The following HPSE2 variants were observed in gnomAD, a reference collection of about 807,000 sequenced individuals.
HPSE2 encodes heparanase 2 (inactive), also known as inactive heparanase-2.
Under a neutral mutation model 60.5 loss-of-function variants are expected in HPSE2, and 38 were observed. The ratio of observed to expected loss-of-function variants is 0.63; its 90% confidence interval spans 0.48 to 0.82. The LOEUF is 0.82. HPSE2 is among the 40% of genes least tolerant of loss of function. The pLI, the probability that HPSE2 is intolerant of heterozygous loss-of-function variation, is 0.00. For synonymous variants in HPSE2, 295 were observed against 293.2 expected (o/e 1.01, Z -0.06); for missense variants, 713 against 740.4 (o/e 0.96, Z 0.43).
chr10:98,914,373 G>A (rs926042722), intron 3 of HPSE2, among the ~76,000 whole-genome samples: 6 of 151,938 alleles, frequency 3.9e-5, no homozygotes, highest in African/African-American at 1.5e-4. Flanking sequence ...TCAGCCTCGG[G>A]TATGTCTTTA....
intron 3 of HPSE2, among the ~76,000 whole-genome samples, chr10:99,010,062 C>T (rs185688736): frequency 3.3e-5 from 5 of 152,248 alleles, no homozygotes; most frequent in African/African-American, 7.2e-5. Flanking sequence ...CCTTAGAATC[C>T]GCTCTGTTGT....
chr10:98,833,306 C>T (rs7094631), intron 3 of HPSE2, among the ~76,000 whole-genome samples: 121,870 of 152,064 alleles, frequency 0.8, 49,167 homozygotes, highest in Non-Finnish European at 0.83. Context: ...CAAGGTGAAT[C>T]CAAAAAAGAT....
chr10:98,966,794 A>C (rs1046732485), intron 3 of HPSE2, among the ~76,000 whole-genome samples: 3 of 152,202 alleles, frequency 2.0e-5, no homozygotes, highest in African/African-American at 7.2e-5. Flanking sequence ...CAATGCACCC[A>C]ACACGTAGAA....
intron 3 of HPSE2, among the ~76,000 whole-genome samples, chr10:98,967,283 T>C (rs974899441): frequency 2.0e-5 from 3 of 152,202 alleles, no homozygotes; most frequent in African/African-American, 7.2e-5. Flanking sequence ...TGGTTCTCCA[T>C]TGGAGTTTAT....
chr10:98,907,636 T>C (rs1953860685), intron 3 of HPSE2, among the ~76,000 whole-genome samples: 4 of 152,188 alleles, frequency 2.6e-5, no homozygotes, highest in Admixed American at 2.6e-4. Flanking sequence ...CATGATGGTA[T>C]AGTAGACTTT....
chr10:98,876,289 C>T (rs1347508066), intron 3 of HPSE2, among the ~76,000 whole-genome samples: 1 of 151,782 alleles, frequency 6.6e-6, no homozygotes, highest in Non-Finnish European at 1.5e-5. Context: ...AAGGCTATAG[C>T]TAAAATTCTT....
chr10:98,508,882 G>C (rs1369563244), intron 9 of HPSE2, among the ~76,000 whole-genome samples: 1 of 152,208 alleles, frequency 6.6e-6, no homozygotes, highest in Non-Finnish European at 1.5e-5. Context: ...AGATCATAGA[G>C]ACCTAAGGAT....
chr10:98,758,774 T>C (rs1035035617), intron 3 of HPSE2, among the ~76,000 whole-genome samples: 7 of 152,208 alleles, frequency 4.6e-5, no homozygotes, highest in African/African-American at 1.4e-4. Context: ...GGAAGCAGTT[T>C]GGAGATTTCT....
At chr10:98,567,458 T>C (rs1944378496) in intron 9 of HPSE2, among the ~76,000 whole-genome samples, 1 of 152,138 alleles carries the variant, frequency 6.6e-6, no homozygotes, top group African/African-American at 2.4e-5. Context: ...GCATATGAAT[T>C]CTATGTGGGG....
At chr10:98,980,789 A>T (rs953443938) in intron 3 of HPSE2, among the ~76,000 whole-genome samples, 1 of 152,196 alleles carries the variant, frequency 6.6e-6, no homozygotes, top group African/African-American at 2.4e-5. Flanking sequence ...TGGCAATTTC[A>T]TATGATCAAA....
chr10:98,833,494 GT>G (rs1308476865), intron 3 of HPSE2, among the ~76,000 whole-genome samples: 1 of 152,102 alleles, frequency 6.6e-6, no homozygotes, highest in East Asian at 1.9e-4. Context: ...TTATTAATAG[GT>G]AACATTCATT....
chr10:98,816,633 C>T (rs1195255760), intron 3 of HPSE2, among the ~76,000 whole-genome samples: 1 of 152,148 alleles, frequency 6.6e-6, no homozygotes, highest in Admixed American at 6.5e-5. Flanking sequence ...AACATCTCTC[C>T]AGCTGGAAGT....
intron 9 of HPSE2, among the ~76,000 whole-genome samples, chr10:98,557,243 T>C (rs1944037942): frequency 6.6e-6 from 1 of 151,962 alleles, no homozygotes; most frequent in Admixed American, 6.6e-5. Flanking sequence ...GCTATAGTAA[T>C]TCAGACATCG....
intron 3 of HPSE2, among the ~76,000 whole-genome samples, chr10:99,093,914 T>A (rs1843606783): frequency 1.3e-5 from 2 of 152,226 alleles, no homozygotes; most frequent in South Asian, 4.1e-4. Context: ...CTCTCTTGAA[T>A]TTCTTTCCAC....
At chr10:99,141,029 T>G (rs1437698615) in intron 3 of HPSE2, among the ~76,000 whole-genome samples, 1 of 152,176 alleles carries the variant, frequency 6.6e-6, no homozygotes, top group Non-Finnish European at 1.5e-5. Flanking sequence ...AGAGCAAGAC[T>G]CTGTCTCAGA....
chr10:98,921,482 GCCAAAAGAGGGATTA>G (rs1001508295), intron 3 of HPSE2, among the ~76,000 whole-genome samples: 3 of 152,150 alleles, frequency 2.0e-5, no homozygotes, highest in African/African-American at 7.2e-5. Flanking sequence ...GCTGGAGAGG[GCCAAAAGAGGGATTA>G]CCAGAAGATT....
chr10:99,130,173 T>A (rs1357336975), intron 3 of HPSE2, among the ~76,000 whole-genome samples: 1 of 151,548 alleles, frequency 6.6e-6, no homozygotes, highest in Non-Finnish European at 1.5e-5. Context: ...CAGGAGAAGA[T>A]GGATTCTCAG....
chr10:98,743,883 C>T lies in HPSE2; in HGVS notation c.784G>A (p.Glu262Lys), dbSNP rs1157815313. The T allele has an allele frequency of 6.2e-7, 1 of 1,613,142 alleles. No homozygotes were observed. The highest frequency in any genetic ancestry group is 2.2e-5 in the East Asian group (1 of 44,860). The part of the protein sequence containing the change: ...KYNISWELGN[E>K]PNNYRTMHGR... ...CAGAGGAAGTAACATCCTTACTTAC[C>T]ATTACCCAGTTCCCAAGAAATGTTG... Residue 262 changes from glutamate to lysine, a missense_variant and splice_region_variant, in exon 4 of 12, where the codon GAG (glutamate) becomes AAG (lysine). Glu to Lys is a moderately conservative substitution (Grantham distance 56). Transcript: ENST00000370552.
intron 3 of HPSE2, among the ~76,000 whole-genome samples, chr10:99,121,006 G>GAACA (rs1844931120): frequency 6.6e-6 from 1 of 152,124 alleles, no homozygotes; most frequent in Non-Finnish European, 1.5e-5. Flanking sequence ...ACATACATGC[G>GAACA]TATGTTCATT....
Sources: allele counts gnomAD v4.1 joint callset (sites outside exome capture counted in the v4.1 genomes callset), GRCh38; gene constraint gnomAD v4.1.1; transcripts MANE v1.5; gene names NCBI Gene and HGNC (gene_info 2026-07-23, HGNC 2026-07-21).